Variants in HEATR4 observed in about 807,000 individuals in gnomAD.
HEATR4 encodes the protein HEAT repeat-containing protein 4.
A neutral mutation model predicts 108.8 loss-of-function variants in HEATR4; 95 were observed. That is an observed-to-expected ratio of 0.87 (90% CI 0.74 to 1.04). The LOEUF is 1.04. Among genes scored for constraint, HEATR4 ranks in the 50% least tolerant of loss-of-function variants. The probability of loss-of-function intolerance (pLI) is 0.00; values close to 1 mark genes in which losing one functional copy is unlikely to be tolerated. For synonymous variants in HEATR4, 443 were observed against 459.4 expected, an observed-to-expected ratio of 0.96 and a Z score of 0.46; for missense variants, 1,152 against 1,253.8, an observed-to-expected ratio of 0.92 and a Z score of 1.23.
chr14:73,602,939 G>C, the HEATR4 span, among the ~76,000 whole-genome samples: 1 of 152,280 alleles, frequency 6.6e-6, no homozygotes, highest in African/African-American at 2.4e-5. Context: ...TGTTAAATAT[G>C]TTAAAGGTTT....
At chr14:73,600,890 G>T in the HEATR4 span, among the ~76,000 whole-genome samples, 6 of 152,102 alleles carry the variant, frequency 3.9e-5, no homozygotes, top group Non-Finnish European at 8.8e-5. Context: ...TGTAGTCCCA[G>T]CACTTTGAGA....
the HEATR4 span, chr14:73,612,479 C>T: frequency 1.1e-6 from 1 of 874,786 alleles, no homozygotes; most frequent in Non-Finnish European, 1.6e-6. Context: ...GTTAAGGGCT[C>T]CGCCCTCGAC....
chr14:73,621,386 T>C, the HEATR4 span, among the ~76,000 whole-genome samples: 1 of 152,184 alleles, frequency 6.6e-6, no homozygotes, highest in Non-Finnish European at 1.5e-5. Flanking sequence ...ATGGCCTTCA[T>C]CTTTGATGTC....
chr14:73,492,100 A>T lies in HEATR4; in HGVS notation c.2844+966T>A. The T allele has an allele frequency of 6.2e-7, 1 of 1,613,344 alleles. No individual in the cohort carries two copies. The highest frequency in any genetic ancestry group is 8.5e-7 in the Non-Finnish European group (1 of 1,179,758). ...GTAGGAAACTCTGGCGTGTATACCG[A>T]CCCCGAGTCCCAACCGAGGAACTGG... On this transcript the variant is annotated intron_variant, in intron 17 of 17. Transcript: ENST00000553558. This position sits in a 1 kb window ranked among gnomAD's most constrained non-coding sequence, Gnocchi z 4.9.
At chr14:73,486,488 A>G (rs1419664026) in intron 17 of HEATR4, among the ~76,000 whole-genome samples, 6 of 152,164 alleles carry the variant, frequency 3.9e-5, no homozygotes, top group Non-Finnish European at 4.4e-5. Context: ...GCCTGAGTCC[A>G]GGAGTTCAAG....
intron 1 of HEATR4, among the ~76,000 whole-genome samples, chr14:73,532,798 A>C (rs1413617587): frequency 8.9e-6 from 1 of 112,530 alleles, no homozygotes; most frequent in African/African-American, 2.9e-5. Context: ...ACTAAAACAT[A>C]CAAAAAAATT....
the HEATR4 span, chr14:73,569,896 C>T: frequency 5.2e-4 from 833 of 1,599,932 alleles, 18 homozygotes; most frequent in Non-Finnish European, 6.3e-4. Context: ...GACTCACCTC[C>T]GCTAATTGTT....
At chr14:73,594,980 C>T in the HEATR4 span, 1 of 1,568,364 alleles carries the variant, frequency 6.4e-7, no homozygotes, top group Non-Finnish European at 8.7e-7. Context: ...GTTGGGATTA[C>T]AGGCATGAGC....
chr14:73,607,109 A>G, the HEATR4 span, among the ~76,000 whole-genome samples: 1 of 152,196 alleles, frequency 6.6e-6, no homozygotes, highest in African/African-American at 2.4e-5. Context: ...CAGGAATTTG[A>G]GACCAGCCTG....
At chr14:73,489,653 C>T (rs550244710) in intron 17 of HEATR4, among the ~76,000 whole-genome samples, 1 of 152,180 alleles carries the variant, frequency 6.6e-6, no homozygotes, top group Non-Finnish European at 1.5e-5. Flanking sequence ...TGACCACGTT[C>T]TCAAAAATTA....
chr14:73,569,493 G>C, the HEATR4 span: 6 of 1,612,084 alleles, frequency 3.7e-6, 1 homozygote, highest in Non-Finnish European at 3.4e-6. Context: ...GCGAATCGCC[G>C]TGCGCGGCCT....
At chr14:73,595,309 C>G in the HEATR4 span, 4 of 1,614,220 alleles carry the variant, frequency 2.5e-6, no homozygotes, top group South Asian at 4.4e-5. Context: ...AGAACCCCAG[C>G]ATGATTCCAA....
At chr14:73,491,318 G>C (rs1334495734) in intron 17 of HEATR4, 4 of 1,511,082 alleles carry the variant, frequency 2.6e-6, no homozygotes, top group Non-Finnish European at 3.5e-6. Context: ...CGGCCACCTG[G>C]GGCCCGCAGA....
intron 17 of HEATR4, chr14:73,491,174 C>G (rs547403691): frequency 6.2e-7 from 1 of 1,601,956 alleles, no homozygotes. Context: ...CATGGCAGCG[C>G]TGAGGACGCA....
rs540004451 is a variant in HEATR4 at position 73,508,262 on chromosome 14, A to T, written c.1753T>A (p.Cys585Ser). 1 of 1,613,974 alleles carries T rather than the reference A, an allele frequency of 6.2e-7. No homozygotes were observed. Among genetic ancestry groups the T allele is most frequent in the African/African-American group, 1.3e-5 (1 of 75,014 alleles). Residue 585 changes from cysteine to serine, a missense_variant, in exon 9 of 18, where the codon TGC becomes AGC. Cys to Ser is a moderately radical substitution (Grantham distance 112). Coordinates refer to ENST00000553558, the MANE Select transcript of HEATR4 (RefSeq NM_001220484.1). ...GTAGCAGTACCTTCCAGAGCCAAGC[A>T]CTGAGCTGCAGCCCAGCTATCCACA... ...NSVDSWAAAQ[C>S]LALEGTATYP...
the HEATR4 span, among the ~76,000 whole-genome samples, chr14:73,610,348 T>C: frequency 6.7e-6 from 1 of 148,518 alleles, no homozygotes; most frequent in Non-Finnish European, 1.5e-5. Flanking sequence ...TGGAGAGCAG[T>C]GGCGAGATCT....
rs763908695 is a variant in HEATR4, at chr14:73,514,138, T to C, written c.1307A>G (p.Lys436Arg). ...TGCCTGCTTCTTCAATCTCCTGGTC[T>C]TAATAGGCACATCCTTCTCACCCAC... ...LQVGEKDVPI[K>R]TRRLKKQAKS... Residue 436 changes from lysine to arginine, a missense_variant, in exon 6 of 18, where the codon AAG (lysine) becomes AGG (arginine). Physicochemically the swap from Lys to Arg is conservative, Grantham distance 26 (BLOSUM62 2). Coordinates refer to ENST00000553558, the MANE Select transcript of HEATR4 (RefSeq NM_001220484.1). 2.5e-6 allele frequency: 4 copies of C among 1,614,180 alleles called. No individual in the cohort carries two copies. In the South Asian group the frequency reaches 4.4e-5, roughly 18 times the overall value.
the HEATR4 span, among the ~76,000 whole-genome samples, chr14:73,615,406 AACAAAAAAC>A: frequency 4.4e-3 from 311 of 70,234 alleles, 16 homozygotes; most frequent in Middle Eastern, 0.019. Context: ...AAAAAAAAAA[AACAAAAAAC>A]AAAAAAAACC....
At chr14:73,589,931 TGTTCGTTCCTCCTG>T in the HEATR4 span, among the ~76,000 whole-genome samples, 1 of 152,152 alleles carries the variant, frequency 6.6e-6, no homozygotes, top group Non-Finnish European at 1.5e-5. Flanking sequence ...TGTCTGGAGT[TGTTCGTTCCTCCTG>T]GTGAGTTCGT....
Sources: gnomAD v4.1 joint callset for allele counts (sites outside exome capture counted in the v4.1 genomes callset) on GRCh38, gnomAD v4.1.1 for gene constraint, Gnocchi (gnomAD v3.1) non-coding constraint, MANE v1.5 for transcripts, NCBI Gene and HGNC (gene_info 2026-07-23, HGNC 2026-07-21) for gene names.